ITIH4: variants seen among roughly 807,000 people sequenced by gnomAD.
The protein encoded by ITIH4 is inter-alpha-trypsin inhibitor heavy chain H4.
A neutral mutation model predicts 111.8 loss-of-function variants in ITIH4; 79 were observed. The observed-to-expected ratio is 0.71, with a 90% CI of 0.59 to 0.85. The LOEUF (loss-of-function observed/expected upper bound fraction) is 0.85, where lower values mean the gene tolerates loss of function less well. Among genes scored for constraint, ITIH4 ranks in the 40% least tolerant of loss-of-function variants. ITIH4 has a pLI of 0.00. For synonymous variants in ITIH4, 472 were observed against 468.3 expected (o/e 1.01, Z -0.10); for missense variants, 1,065 against 1,195.8 (o/e 0.89, Z 1.61).
Position 52,816,982 on chromosome 3 carries a change from C to A in ITIH4, c.2373G>T (p.Leu791=), listed in dbSNP as rs778412774. The change falls in exon 21 of 24, where the codon CTG becomes CTT. Residue 791 remains leucine (L), a synonymous_variant. Transcript: ENST00000266041. ...SWIEVTFKNP[L]VWVHASPEHV... is the part of the protein sequence containing the mutation. ...GTTCAGGGGATGCGTGAACCCATAC[C>A]AGGGGGTTCTTGAAGGTCACTTCGA... 42 of 1,613,984 alleles carry A rather than the reference C, an allele frequency of 2.6e-5. No individual in the cohort carries two copies. The Admixed American group carries it at 7.0e-4, about 27-fold the overall frequency.
rs756104406 is a variant in ITIH4 at position 52,830,558 on chromosome 3, C to T, written c.85G>A (p.Glu29Lys). 2.2e-5 allele frequency: 36 copies of T among 1,613,914 alleles called. No homozygotes were observed. The highest frequency in any genetic ancestry group is 1.2e-4 in the African/African-American group (9 of 74,934). ...CACCCATGGACACTGGCTACCTTTT[C>T]GGCAGTAGTAGTCTGGTGGATGGCC... The part of the protein sequence containing the change: ...LLAIHQTTTA[E>K]KNGIDIYSLT... Residue 29 changes from glutamate (E) to lysine (K), a missense_variant, in exon 1 of 24, where the codon GAA (glutamate) becomes AAA (lysine). Physicochemically the swap from Glu to Lys is moderately conservative, Grantham distance 56 (BLOSUM62 1). Coordinates refer to ENST00000266041, the MANE Select transcript of ITIH4 (RefSeq NM_002218.5).
chr3:52,822,401 A>G (rs554100922), intron 11 of ITIH4: 10 of 152,274 alleles, frequency 6.6e-5, no homozygotes, highest in South Asian at 2.1e-4. Context: ...CAGAATACAC[A>G]TTAAAATAAG....
intron 23 of ITIH4, 78 bp downstream of exon 23, chr3:52,813,897 C>T: frequency 8.9e-7 from 1 of 1,126,528 alleles, no homozygotes; most frequent in South Asian, 1.3e-5. Flanking sequence ...GGAGTGGGGC[C>T]CTGGAGAGCC....
Position 52,824,633 on chromosome 3 carries a change from G to A in ITIH4, c.877-68C>T. The A allele has an allele frequency of 6.6e-7, 1 of 1,507,372 alleles. No homozygotes were observed. The highest frequency in any genetic ancestry group is 1.2e-5 in the South Asian group (1 of 81,940). 93.4% of individuals were successfully genotyped at this position (1,507,372 alleles called of 1,614,324 possible). The stretch of plus-strand genomic sequence containing the variant: ...TGAGGGCTCGTGTGCCCTAGGGCTG[G>A]CATCCTTGGACTCCTGTCTCAGGGG... On this transcript the variant is annotated intron_variant, in intron 7 of 23. Transcript: ENST00000266041. This position sits in a 1 kb window ranked among gnomAD's most constrained non-coding sequence, Gnocchi z 4.3.
At chr3:52,827,048 CT>C in intron 3 of ITIH4, 44 bp downstream of exon 3, 10 of 1,612,088 alleles carry the variant, frequency 6.2e-6, no homozygotes, top group Non-Finnish European at 8.5e-6. Context: ...GCAAGGTGGC[CT>C]TTGTCTAGAC....
In ITIH4 at chr3:52,816,824, T is replaced by C. The variant is rs1700284781; in HGVS notation, c.2471+60A>G. 4 of 1,517,934 alleles carry C rather than the reference T, an allele frequency of 2.6e-6. No individual in the cohort carries two copies. In the Admixed American group the frequency reaches 7.0e-5, roughly 27 times the overall value. The allele number at this position is 1,517,934 out of a possible 1,614,324, so 94.0% of individuals were successfully genotyped here. A position where few individuals can be genotyped will look rare whatever the true frequency, so the allele number is the denominator to read the frequency against. The stretch of plus-strand genomic sequence containing the variant: ...GGCCTCAGGCCACCTGCTGGTACCA[T>C]CATCAGCCACTGTAGCCTGAAAGGT... On this transcript the variant is annotated intron_variant, in intron 21 of 23. Transcript: ENST00000266041.
chr3:52,819,273 C>T (rs1578773799), intron 17 of ITIH4, 120 bp downstream of exon 17: 1 of 1,164,658 alleles, frequency 8.6e-7, no homozygotes, highest in East Asian at 2.5e-5. Flanking sequence ...ACATCGTGCC[C>T]TCAGCAGCCG....
At chr3:52,828,483 C>T (rs924666872) in intron 2 of ITIH4, among the ~76,000 whole-genome samples, 4 of 152,234 alleles carry the variant, frequency 2.6e-5, no homozygotes, top group African/African-American at 9.6e-5. Context: ...TGGGAAGAGT[C>T]TTGCCCTTGT....
rs895391459 is a variant in ITIH4 at position 52,817,216 on chromosome 3, G to C, written c.2297-158C>G. ...CTTTCTCAGCACTCCTTCACACTGG[G>C]GGCTGGCTCCCACAATCTCTCCACT... On this transcript the variant is annotated intron_variant, in intron 20 of 23. Transcript: ENST00000266041. Among the ~76,000 whole-genome samples the C allele has an allele frequency of 9.2e-5, 14 of 152,172 alleles. 1 individual carries two copies. Among genetic ancestry groups the C allele is most frequent in the African/African-American group, 3.4e-4 (14 of 41,450 alleles).
intron 5 of ITIH4, among the ~76,000 whole-genome samples, chr3:52,826,283 A>G (rs769152657): frequency 2.0e-5 from 3 of 152,202 alleles, no homozygotes; most frequent in Non-Finnish European, 2.9e-5. Flanking sequence ...ACCTGGCCCC[A>G]GGACCCTCAC....
intron 13 of ITIH4, 154 bp downstream of exon 13, chr3:52,820,477 C>T: frequency 1.7e-6 from 2 of 1,156,214 alleles, no homozygotes; most frequent in Non-Finnish European, 1.2e-6. Context: ...GGAGACCCGG[C>T]TTCACTTTCC....
chr3:52,818,175 C>T lies in ITIH4; in HGVS notation c.2180-7G>A, dbSNP rs1415965743. On this transcript the variant is annotated splice_polypyrimidine_tract_variant and splice_region_variant and intron_variant, in intron 19 of 23. Coordinates refer to ENST00000266041, the MANE Select transcript of ITIH4 (RefSeq NM_002218.5). ...GAGGGAGCCTGTATGGGGGCTGGGA[C>T]AGCCGGGGCACGGCTCCTGGAGCAG... 2.5e-6 allele frequency: 4 copies of T among 1,607,108 alleles called. 1 individual carries two copies. In the South Asian group the frequency reaches 3.3e-5, roughly 13 times the overall value.
At chr3:52,821,600 G>A (rs1578776322) in intron 11 of ITIH4, among the ~76,000 whole-genome samples, 3 of 152,136 alleles carry the variant, frequency 2.0e-5, no homozygotes, top group South Asian at 2.1e-4. Flanking sequence ...TCATGGCTCC[G>A]GGTTTGGGGC....
At chr3:52,827,619 C>T (rs1384011377) in intron 2 of ITIH4, among the ~76,000 whole-genome samples, 2 of 152,220 alleles carry the variant, frequency 1.3e-5, no homozygotes, top group Non-Finnish European at 2.9e-5. Flanking sequence ...CACTTGTTCC[C>T]AGCCCTGCGT....
Position 52,813,014 on chromosome 3 carries a change from C to G in ITIH4, c.*407G>C, listed in dbSNP as rs775308233. 2 of 153,840 alleles carry G rather than the reference C, an allele frequency of 1.3e-5. No homozygotes were observed. Among genetic ancestry groups the G allele is most frequent in the African/African-American group, 5.4e-5 (2 of 37,112 alleles). 9.5% of individuals were successfully genotyped at this position (153,840 alleles called of 1,614,324 possible). On this transcript the variant is annotated 3_prime_UTR_variant, in exon 24 of 24. Coordinates refer to ENST00000266041, the MANE Select transcript of ITIH4 (RefSeq NM_002218.5). ...TTGTAGTCAAAACTGGTCCAAGAGA[C>G]CATGAAGCAGACTGAACCTCTGCTC...
In ITIH4 at chr3:52,823,537, T is replaced by C; in HGVS notation, c.1539+19A>G. ...TGGAGGCTGCCATTCCCCTCCAGGG[T>C]GGCTTTGGCCACACTCACCAGCTTC... On this transcript the variant is annotated intron_variant, in intron 11 of 23. Coordinates refer to ENST00000266041, the MANE Select transcript of ITIH4 (RefSeq NM_002218.5). 6 of 1,577,228 alleles carry C rather than the reference T, an allele frequency of 3.8e-6. No homozygotes were observed. The highest frequency in any genetic ancestry group is 5.2e-6 in the Non-Finnish European group (6 of 1,159,350).
intron 2 of ITIH4, among the ~76,000 whole-genome samples, chr3:52,827,987 G>A (rs12488303): frequency 0.25 from 37,328 of 152,136 alleles, 4,849 homozygotes; most frequent in Admixed American, 0.37. Context: ...TCAGGACTAC[G>A]CGTCCCTCCT....
chr3:52,825,064 C>G, intron 6 of ITIH4, 106 bp from the exon 7 acceptor site: 1 of 693,884 alleles, frequency 1.4e-6, no homozygotes, highest in Non-Finnish European at 2.4e-6. Context: ...TGTTCCAATC[C>G]CATTTCCATC....
chr3:52,819,589 C>T (rs945306892), intron 16 of ITIH4, 71 bp from the exon 17 acceptor site: 2 of 1,606,350 alleles, frequency 1.2e-6, no homozygotes, highest in Admixed American at 3.3e-5. Flanking sequence ...GGCTTGAGAT[C>T]CACCCAGGAG....
Sources: gnomAD v4.1 joint callset for allele counts (sites outside exome capture counted in the v4.1 genomes callset) on GRCh38, gnomAD v4.1.1 for gene constraint, Gnocchi (gnomAD v3.1) non-coding constraint, MANE v1.5 for transcripts, NCBI Gene and HGNC (gene_info 2026-07-23, HGNC 2026-07-21) for gene names.